WBP2: variants seen among roughly 807,000 people sequenced by gnomAD.
WBP2 encodes the protein WW domain-binding protein 2.
Under a neutral mutation model 33.0 loss-of-function variants are expected in WBP2, and 23 were observed. That is an observed-to-expected ratio of 0.70 (90% CI 0.50 to 0.99). The LOEUF (loss-of-function observed/expected upper bound fraction) is 0.99, where lower values mean the gene tolerates loss of function less well. Ranked by LOEUF, WBP2 falls within the 50% of genes least tolerant of loss-of-function variation. The pLI is 0.00. For synonymous variants in WBP2, 153 were observed against 133.5 expected (o/e 1.15, Z -1.01); for missense variants, 353 against 358.0 (o/e 0.99, Z 0.11).
At chr17:75,852,057 T>C (rs565259567) in intron 1 of WBP2, 76 of 181,698 alleles carry the variant, frequency 4.2e-4, no homozygotes, top group African/African-American at 1.7e-3. Context: ...TGAGCTGAGA[T>C]GGCGCCACTG....
rs755069610 is a variant in WBP2, at chr17:75,855,319, G to C, written c.-22C>G. 1 of 1,610,902 alleles carries C rather than the reference G, an allele frequency of 6.2e-7. No homozygotes were observed. The highest frequency in any genetic ancestry group is 8.5e-7 in the Non-Finnish European group (1 of 1,179,856). On this transcript the variant is annotated 5_prime_UTR_variant, in exon 1 of 8. Transcript: ENST00000254806. ...CCATAGTCTCTCCAACAGGGGTCCC[G>C]AGACTCAAAACGCAATGAGCTTGCG...
chr17:75,847,807 G>A lies in WBP2; in HGVS notation c.521C>T (p.Pro174Leu), dbSNP rs766989533. ...AAGGACACACTCACCAGGTGGGGGC[G>A]GTGGATAGGGGTAGCCAGGAGGGCA... ...YPCPPGYPYP[P>L]PPPEFYPGPP... The change falls in exon 5 of 8, where the codon CCG (proline) becomes CTG (leucine). Residue 174 changes from proline (P) to leucine (L), a missense_variant. Pro to Leu is a moderately conservative substitution (Grantham distance 98). Transcript: ENST00000254806. 20 of 1,556,702 alleles carry A rather than the reference G, an allele frequency of 1.3e-5. No individual in the cohort carries two copies. The highest frequency in any genetic ancestry group is 3.9e-5 in the Admixed American group (2 of 51,472).
chr17:75,847,686 G>C (rs77051585), intron 5 of WBP2, 77 bp from the exon 6 acceptor site: 4 of 1,596,188 alleles, frequency 2.5e-6, no homozygotes, highest in Non-Finnish European at 3.4e-6. Context: ...GGCCTCTCCA[G>C]CTCCTTCGTT....
chr17:75,848,340 T>C (rs927067143), intron 4 of WBP2: 24 of 597,758 alleles, frequency 4.0e-5, no homozygotes, highest in South Asian at 2.0e-4. Context: ...CAAACAGCTT[T>C]GTCAAAACGT....
chr17:75,855,159 T>TACCCCCCCCC, intron 1 of WBP2, 80 bp downstream of exon 1: 1 of 964,064 alleles, frequency 1.0e-6, no homozygotes, highest in Non-Finnish European at 1.6e-6. Flanking sequence ...AGGGGCTTAT[T>TACCCCCCCCC]CCCCACCACC....
upstream of WBP2, chr17:75,855,498 G>A: frequency 1.6e-6 from 1 of 607,006 alleles, no homozygotes; most frequent in Non-Finnish European, 3.0e-6. Flanking sequence ...ACAAGATGAA[G>A]ACTACAATTC....
chr17:75,848,207 G>C, intron 4 of WBP2: 1 of 592,582 alleles, frequency 1.7e-6, no homozygotes, highest in East Asian at 2.8e-5. Flanking sequence ...GCTGGGGTAG[G>C]AGTGAGCTGG....
chr17:75,855,245 G>C lies in WBP2; in HGVS notation c.53C>G (p.Thr18Ser), dbSNP rs1031133218. Reference protein sequence around the residue: ...SEGGGVIVNNTESILMSYDHV... With the variant: ...SEGGGVIVNNSESILMSYDHV... ...CCTTCCGCAGTGTTTTCACCTCTCG[G>C]TGTTATTGACGATCACTCCGCCGCC... The change falls in exon 1 of 8, where the codon ACC (threonine) becomes AGC (serine). Residue 18 changes from threonine (T) to serine (S), a missense_variant. Transcript: ENST00000254806. 7 of 1,611,002 alleles carry C rather than the reference G, an allele frequency of 4.3e-6. No individual in the cohort carries two copies. In the African/African-American group the frequency reaches 8.1e-5, roughly 19 times the overall value.
At chr17:75,847,741 G>A in intron 5 of WBP2, 55 bp downstream of exon 5, 3 of 1,533,950 alleles carry the variant, frequency 2.0e-6, no homozygotes, top group South Asian at 1.2e-5. Context: ...GGCCTGGGGG[G>A]AGCCTGGGTA....
In WBP2 at chr17:75,851,670, T is replaced by C. The variant is rs1439317827; in HGVS notation, c.66A>G (p.Leu22=). The change falls in exon 2 of 8, where the codon CTA becomes CTG. Residue 22 remains leucine, a synonymous_variant. Transcript: ENST00000254806. ...TGAGTTCCACGTGATCATAGGACAT[T>C]AGGATGCTGTGATGAGAAAAGAGGA... ...GVIVNNTESI[L]MSYDHVELTF... 2.5e-6 allele frequency: 4 copies of C among 1,612,210 alleles called. No individual in the cohort carries two copies. Among genetic ancestry groups the C allele is most frequent in the East Asian group, 2.2e-5 (1 of 44,862 alleles).
upstream of WBP2, chr17:75,855,367 T>G: frequency 5.8e-6 from 9 of 1,561,276 alleles, no homozygotes; most frequent in South Asian, 1.1e-5. Context: ...CCGCCCCTAG[T>G]GGCGTCTTCT....
intron 1 of WBP2, chr17:75,852,185 G>A (rs2065031722): frequency 6.4e-6 from 1 of 155,634 alleles, no homozygotes; most frequent in Non-Finnish European, 1.4e-5. Flanking sequence ...TTGGGAGGCT[G>A]AGGCGGGTGA....
intron 1 of WBP2, 67 bp downstream of exon 1, chr17:75,855,171 AC>A: frequency 2.9e-6 from 1 of 339,774 alleles, no homozygotes; most frequent in Non-Finnish European, 5.0e-6. Context: ...CCCACCACCC[AC>A]CACCCACCGC....
intron 3 of WBP2, 189 bp from the exon 4 acceptor site, chr17:75,848,851 G>A (rs895526328): frequency 3.3e-6 from 2 of 611,608 alleles, no homozygotes; most frequent in Non-Finnish European, 5.8e-6. Context: ...CAGCACTGCA[G>A]CCTGGCCTGG....
At position 75,846,423 on chromosome 17, in the gene WBP2, A is replaced by C. The variant is rs2064991635; in HGVS notation, c.*311T>G. Reference sequence around the variant, plus strand: ...GGACTGCGGTGGAGGAGGTGGCCAGAGAGTCCCTTCGAGGGGAGAAGCTGA... The same window carrying C: ...GGACTGCGGTGGAGGAGGTGGCCAGCGAGTCCCTTCGAGGGGAGAAGCTGA... On this transcript the variant is annotated 3_prime_UTR_variant, in exon 8 of 8. Coordinates refer to ENST00000254806, the MANE Select transcript of WBP2 (RefSeq NM_012478.4). The surrounding 1 kb of genome is among the most constrained non-coding windows in gnomAD (Gnocchi z 4.8). The C allele has an allele frequency of 2.3e-6, 1 of 443,556 alleles. No homozygotes were observed. The allele number at this position is 443,556 out of a possible 1,614,324, so 27.5% of individuals were successfully genotyped here. A position where few individuals can be genotyped will look rare whatever the true frequency, so the allele number is the denominator to read the frequency against.
Position 75,851,590 on chromosome 17 carries a change from G to A in WBP2, c.146C>T (p.Thr49Ile), listed in dbSNP as rs753508443. ...CACCCGGTAAGGGGTAAGGTAGACAGTGCCTTTCTTGGTCCCTTTGAAGGC... is the reference window on the plus strand; with the variant it reads ...CACCCGGTAAGGGGTAAGGTAGACAATGCCTTTCTTGGTCCCTTTGAAGGC... ...PEAFKGTKKGTVYLTPYRVIF... is the reference protein window; with the variant it reads ...PEAFKGTKKGIVYLTPYRVIF... The change falls in exon 2 of 8, where the codon ACT becomes ATT. Residue 49 changes from threonine to isoleucine, a missense_variant. Physicochemically the swap from Thr to Ile is moderately conservative, Grantham distance 89. Transcript: ENST00000254806. 1 of 1,613,666 alleles carries A rather than the reference G, an allele frequency of 6.2e-7. No homozygotes were observed. The highest frequency in any genetic ancestry group is 1.7e-4 in the Middle Eastern group (1 of 6,054).
intron 2 of WBP2, among the ~76,000 whole-genome samples, chr17:75,851,043 G>C (rs1015660519): frequency 6.6e-6 from 1 of 152,152 alleles, no homozygotes; most frequent in Non-Finnish European, 1.5e-5. Flanking sequence ...CCTTTTCCAA[G>C]AACATCCATT....
upstream of WBP2, chr17:75,855,350 C>T (rs1371822585): frequency 3.1e-6 from 5 of 1,598,928 alleles, no homozygotes; most frequent in Non-Finnish European, 4.3e-6. Flanking sequence ...TTGCGCCCCT[C>T]TTCGCCCCGC....
At chr17:75,853,916 G>C (rs1290626849) in intron 1 of WBP2, among the ~76,000 whole-genome samples, 1 of 151,420 alleles carries the variant, frequency 6.6e-6, no homozygotes, top group Non-Finnish European at 1.5e-5. Flanking sequence ...GTAGTGGCGG[G>C]TGCCTGTAAT....
Sources: gnomAD v4.1 joint callset for allele counts (sites outside exome capture counted in the v4.1 genomes callset) on GRCh38, gnomAD v4.1.1 for gene constraint, Gnocchi (gnomAD v3.1) non-coding constraint, MANE v1.5 for transcripts, NCBI Gene and HGNC (gene_info 2026-07-23, HGNC 2026-07-21) for gene names.